Variants in EYS observed in about 807,000 individuals in gnomAD.
EYS encodes protein eyes shut homolog.
EYS carries 250 observed loss-of-function variants against 282.1 expected under a neutral mutation model. That is an observed-to-expected ratio of 0.89 (90% CI 0.80 to 0.98). The LOEUF is 0.98. Ranked by LOEUF, EYS falls within the 50% of genes least tolerant of loss-of-function variation. EYS has a pLI of 0.00. For synonymous variants in EYS, 1,355 were observed against 1,282.9 expected (o/e 1.06, Z -1.20); for missense variants, 4,016 against 3,709.0 (o/e 1.08, Z -2.15).
intron 2 of EYS, among the ~76,000 whole-genome samples, chr6:65,602,004 C>T (rs1017460867): frequency 6.6e-6 from 1 of 151,804 alleles, no homozygotes; most frequent in Non-Finnish European, 1.5e-5. Context: ...TGTAACAAAG[C>T]ATGACAAAAA....
intron 40 of EYS, among the ~76,000 whole-genome samples, chr6:63,767,355 T>G (rs116590752): frequency 6.6e-6 from 1 of 152,088 alleles, no homozygotes; most frequent in African/African-American, 2.4e-5. Context: ...CAAAAGGCTC[T>G]TAGAACTCAT....
intron 14 of EYS, among the ~76,000 whole-genome samples, chr6:64,983,966 T>C (rs942942891): frequency 5.3e-5 from 8 of 151,302 alleles, no homozygotes; most frequent in Non-Finnish European, 1.0e-4. Flanking sequence ...AGCAGAAAAG[T>C]AGAGCGCTGT....
intron 42 of EYS, 96 bp from the exon 43 acceptor site, chr6:63,721,893 T>C (rs1484251805): frequency 4.1e-5 from 49 of 1,187,868 alleles, no homozygotes; most frequent in Non-Finnish European, 5.6e-5. Context: ...GTTTTAGTTA[T>C]GGGGAAAAAA....
intron 2 of EYS, among the ~76,000 whole-genome samples, chr6:65,591,978 T>A (rs985702097): frequency 6.6e-6 from 1 of 152,004 alleles, no homozygotes; most frequent in African/African-American, 2.4e-5. Flanking sequence ...GAGAACATAA[T>A]AGATACACAA....
intron 30 of EYS, among the ~76,000 whole-genome samples, chr6:64,287,014 G>A (rs1487284591): frequency 1.3e-5 from 2 of 152,120 alleles, no homozygotes; most frequent in Admixed American, 6.6e-5. Flanking sequence ...CTGGTGAGAT[G>A]TGAATAATTT....
chr6:65,403,491 T>C (rs1241677601), intron 6 of EYS, among the ~76,000 whole-genome samples: 1 of 151,974 alleles, frequency 6.6e-6, no homozygotes, highest in Non-Finnish European at 1.5e-5. Context: ...AAAGCCCGTA[T>C]ACTTAAAATT....
At chr6:63,835,732 TAATA>T (rs1311405385) in intron 36 of EYS, among the ~76,000 whole-genome samples, 1 of 151,976 alleles carries the variant, frequency 6.6e-6, no homozygotes, top group Admixed American at 6.6e-5. Flanking sequence ...GGACAAATAA[TAATA>T]AATTAAATAT....
intron 29 of EYS, among the ~76,000 whole-genome samples, chr6:64,317,953 T>C (rs1351449531): frequency 6.6e-6 from 1 of 152,078 alleles, no homozygotes; most frequent in African/African-American, 2.4e-5. Context: ...CTGTATGTCC[T>C]CACTCATAAG....
At chr6:65,462,558 A>G (rs1401317327) in intron 5 of EYS, among the ~76,000 whole-genome samples, 1 of 152,022 alleles carries the variant, frequency 6.6e-6, no homozygotes, top group African/African-American at 2.4e-5. Flanking sequence ...TATTATTTGT[A>G]GTGTATTATT....
intron 31 of EYS, among the ~76,000 whole-genome samples, chr6:64,177,622 T>A (rs901481406): frequency 6.6e-6 from 1 of 152,124 alleles, no homozygotes; most frequent in African/African-American, 2.4e-5. Flanking sequence ...CATCAAATAA[T>A]GTTTACTGAG....
chr6:65,354,489 C>A (rs1764402145), intron 8 of EYS, among the ~76,000 whole-genome samples: 1 of 151,856 alleles, frequency 6.6e-6, no homozygotes, highest in South Asian at 2.1e-4. Context: ...TGCACAACAA[C>A]CTTAAAGTAT....
chr6:65,054,529 C>A (rs1773359653), intron 13 of EYS, among the ~76,000 whole-genome samples: 1 of 151,764 alleles, frequency 6.6e-6, no homozygotes, highest in Admixed American at 6.6e-5. Flanking sequence ...TGCCTAGTAG[C>A]AAAAGAAAAA....
intron 35 of EYS, among the ~76,000 whole-genome samples, chr6:63,874,250 G>C (rs540623883): frequency 1.4e-4 from 22 of 152,244 alleles, no homozygotes; most frequent in South Asian, 1.2e-3. Context: ...GTTAAATAGG[G>C]AATCCTTTCC....
intron 31 of EYS, among the ~76,000 whole-genome samples, chr6:64,200,520 TAAAG>T (rs1765433039): frequency 6.6e-6 from 1 of 152,062 alleles, no homozygotes; most frequent in Non-Finnish European, 1.5e-5. Flanking sequence ...CTATGGTAAG[TAAAG>T]AAAACACCAA....
At chr6:64,499,123 G>T (rs1648858819) in intron 26 of EYS, among the ~76,000 whole-genome samples, 1 of 152,132 alleles carries the variant, frequency 6.6e-6, no homozygotes, top group Admixed American at 6.5e-5. Context: ...GCCAGCATCT[G>T]TTATTTCCGG....
At chr6:65,480,820 C>T (rs1765580529) in intron 5 of EYS, among the ~76,000 whole-genome samples, 3 of 151,986 alleles carry the variant, frequency 2.0e-5, no homozygotes, top group Non-Finnish European at 2.9e-5. Flanking sequence ...CATGGATAAA[C>T]CTGTAGGATA....
intron 22 of EYS, among the ~76,000 whole-genome samples, chr6:64,786,188 A>ATTTTTTTTTTTTTTTTT (rs60974312): frequency 7.1e-6 from 1 of 141,556 alleles, no homozygotes. Flanking sequence ...CTGGTTCTAC[A>ATTTTTTTTTTTTTTTTT]TTTTTTTTTT....
At chr6:64,788,920 T>A (rs191591667) in intron 22 of EYS, among the ~76,000 whole-genome samples, 2 of 152,176 alleles carry the variant, frequency 1.3e-5, no homozygotes, top group Admixed American at 1.3e-4. Flanking sequence ...TAAAGATGTG[T>A]TTAATCTGCT....
intron 22 of EYS, among the ~76,000 whole-genome samples, chr6:64,688,697 T>C (rs1159722369): frequency 6.6e-6 from 1 of 152,186 alleles, no homozygotes; most frequent in Non-Finnish European, 1.5e-5. Context: ...GAATGAATAT[T>C]CTGTTGATTT....
Sources: allele counts gnomAD v4.1 joint callset (sites outside exome capture counted in the v4.1 genomes callset), GRCh38; gene constraint gnomAD v4.1.1; transcripts MANE v1.5; gene names NCBI Gene and HGNC (gene_info 2026-07-23, HGNC 2026-07-21).